TMC5: variants seen among roughly 807,000 people sequenced by gnomAD.
TMC5 encodes the protein transmembrane channel-like protein 5.
A neutral mutation model predicts 110.5 loss-of-function variants in TMC5; 86 were observed. The ratio of observed to expected loss-of-function variants is 0.78; its 90% confidence interval spans 0.65 to 0.93. The LOEUF (loss-of-function observed/expected upper bound fraction) is 0.93. Ranked by LOEUF, TMC5 falls within the 40% of genes least tolerant of loss-of-function variation. The pLI is 0.00. For synonymous variants in TMC5, 455 were observed against 439.5 expected, an observed-to-expected ratio of 1.04 and a Z score of -0.44; for missense variants, 1,144 against 1,222.8, an observed-to-expected ratio of 0.94 and a Z score of 0.96.
At position 19,466,120 on chromosome 16, in the gene TMC5, C is replaced by T. The variant is rs1281114015; in HGVS notation, c.1524C>T (p.Tyr508=). The T allele has an allele frequency of 2.5e-6, 4 of 1,613,950 alleles. No homozygotes were observed. The highest frequency in any genetic ancestry group is 3.4e-6 in the Non-Finnish European group (4 of 1,180,024). Residue 508 remains tyrosine, a synonymous_variant, in exon 9 of 22, where the codon TAC becomes TAT. Transcript: ENST00000542583. The part of the protein sequence containing the change: ...FRDTVMYYGF[Y]TNSTIQHGNS... ...ACACAGTGATGTACTATGGCTTTTA[C>T]ACCAATTCCACCATCCAGCACGGGA...
At position 19,426,242 on chromosome 16, in the gene TMC5, C is replaced by G. The variant is rs1226748437; in HGVS notation, c.-307-4171C>G. On this transcript the variant is annotated intron_variant, in intron 1 of 21. Transcript: ENST00000542583. ...ACGCTTCTGACCTCCAAGGTGGATCCAGAAGGAGGTTCTTTTTCCTCTAAA... is the reference window on the plus strand; with the variant it reads ...ACGCTTCTGACCTCCAAGGTGGATCGAGAAGGAGGTTCTTTTTCCTCTAAA... 3.3e-5 allele frequency among the ~76,000 whole-genome samples: 5 copies of G among 152,308 alleles called. No individual in the cohort carries two copies. In the East Asian group the frequency reaches 9.6e-4, roughly 29 times the overall value.
At chr16:19,449,740 GT>G (rs1362713276) in intron 5 of TMC5, 109 bp downstream of exon 5, 3 of 939,440 alleles carry the variant, frequency 3.2e-6, no homozygotes, top group Non-Finnish European at 5.2e-6. Context: ...CATGGGGGTG[GT>G]TTCCCCCATG....
intron 2 of TMC5, among the ~76,000 whole-genome samples, chr16:19,439,003 G>C (rs1003162448): frequency 6.6e-6 from 1 of 152,204 alleles, no homozygotes; most frequent in Non-Finnish European, 1.5e-5. Flanking sequence ...AGGAGCAATG[G>C]ATTGGTTACA....
chr16:19,465,736 C>T (rs922031071), intron 8 of TMC5, among the ~76,000 whole-genome samples: 2 of 152,136 alleles, frequency 1.3e-5, no homozygotes, highest in African/African-American at 4.8e-5. Flanking sequence ...AGGCTTGATT[C>T]GTTTCCTATT....
In TMC5 at chr16:19,498,221, A is replaced by G; in HGVS notation, c.*255A>G. On this transcript the variant is annotated 3_prime_UTR_variant, in exon 22 of 22. Transcript: ENST00000542583. ...TAAAGATTGTTGTAATATTGAAATG[A>G]GCCTACAAAAACCTAGGAAGAGATA... The G allele has an allele frequency of 2.1e-6, 1 of 485,776 alleles. No individual in the cohort carries two copies. Among genetic ancestry groups the G allele is most frequent in the Non-Finnish European group, 3.7e-6 (1 of 271,968 alleles). 30.1% of individuals were successfully genotyped at this position (485,776 alleles called of 1,614,324 possible).
chr16:19,441,108 C>G (rs1020122923), intron 3 of TMC5, among the ~76,000 whole-genome samples: 1 of 152,118 alleles, frequency 6.6e-6, no homozygotes, highest in Non-Finnish European at 1.5e-5. Flanking sequence ...TGTAAGACAT[C>G]TAGATCCACA....
At chr16:19,441,704 C>T (rs1967494228) in intron 3 of TMC5, among the ~76,000 whole-genome samples, 1 of 152,186 alleles carries the variant, frequency 6.6e-6, no homozygotes, top group Admixed American at 6.5e-5. Context: ...TGATTATCTG[C>T]ACTATTTTAA....
At chr16:19,478,593 T>G (rs111822596) in intron 13 of TMC5, among the ~76,000 whole-genome samples, 2 of 152,218 alleles carry the variant, frequency 1.3e-5, no homozygotes, top group African/African-American at 2.4e-5. Flanking sequence ...TATCCATCCA[T>G]GTATGGATCC....
At chr16:19,417,668 G>C (rs1169806419), upstream of TMC5, 1 of 152,192 alleles carries the variant, frequency 6.6e-6, no homozygotes, top group African/African-American at 2.4e-5. Context: ...AGAGGGAGGA[G>C]TTAGGGCTTA....
chr16:19,494,117 C>T (rs1190790631), intron 19 of TMC5, 145 bp from the exon 20 acceptor site: 2 of 647,184 alleles, frequency 3.1e-6, no homozygotes, highest in African/African-American at 1.8e-5. Context: ...TTTCTTTCAC[C>T]AAAAGATGGC....
chr16:19,425,402 G>A lies in TMC5; in HGVS notation c.-307-5011G>A, dbSNP rs1597158406. Among the ~76,000 whole-genome samples, 3 of 149,136 alleles carry A rather than the reference G, an allele frequency of 2.0e-5. 1 individual carries two copies. The East Asian group carries it at 5.9e-4, about 29-fold the overall frequency. ...CCAGAGTTTAGTTTATTCATATCTG[G>A]TTCTGACTTTCTTTACAGCTTTTAG... On this transcript the variant is annotated intron_variant, in intron 1 of 21. Coordinates refer to ENST00000542583, the MANE Select transcript of TMC5 (RefSeq NM_001261841.2).
intron 11 of TMC5, among the ~76,000 whole-genome samples, chr16:19,472,501 C>T (rs73540135): frequency 7.9e-5 from 12 of 152,064 alleles, no homozygotes; most frequent in African/African-American, 1.4e-4. Context: ...GAGACTTCAT[C>T]GCTAAAAAAA....
intron 5 of TMC5, among the ~76,000 whole-genome samples, chr16:19,451,697 C>A (rs1967752862): frequency 6.6e-6 from 1 of 152,138 alleles, no homozygotes; most frequent in African/African-American, 2.4e-5. Context: ...ACACTATCTA[C>A]CTGGAGATAG....
chr16:19,477,323 C>A (rs905107694), intron 12 of TMC5, 117 bp from the exon 13 acceptor site: 4 of 752,242 alleles, frequency 5.3e-6, no homozygotes, highest in African/African-American at 1.7e-5. Flanking sequence ...CATGTGCCCC[C>A]CTCCAACCAC....
At position 19,474,266 on chromosome 16, in the gene TMC5, C is replaced by A. The variant is rs1363123140; in HGVS notation, c.2080C>A (p.Leu694Ile). 1.9e-6 allele frequency: 3 copies of A among 1,613,790 alleles called. No homozygotes were observed. In the African/African-American group the frequency reaches 4.0e-5, roughly 22 times the overall value. The change falls in exon 12 of 22, where the codon CTC becomes ATC. Residue 694 changes from leucine to isoleucine, a missense_variant. Coordinates refer to ENST00000542583, the MANE Select transcript of TMC5 (RefSeq NM_001261841.2). ...YEMPRHEVYV[L>I]LIRNIFLKIS... ...GATGCCACGGCACGAAGTCTACGTTCTCCTGATCCGGTAGGTGATGTGTCG... is the reference window on the plus strand; with the variant it reads ...GATGCCACGGCACGAAGTCTACGTTATCCTGATCCGGTAGGTGATGTGTCG...
chr16:19,456,815 C>T (rs1476951610), intron 5 of TMC5: 2 of 1,614,062 alleles, frequency 1.2e-6, no homozygotes, highest in African/African-American at 2.7e-5. Context: ...AAAGGTGCTG[C>T]TAGACTCAAG....
intron 17 of TMC5, among the ~76,000 whole-genome samples, chr16:19,488,103 G>C (rs571199788): frequency 8.5e-5 from 13 of 152,196 alleles, no homozygotes; most frequent in African/African-American, 2.9e-4. Context: ...TAAAGGGGGC[G>C]GTTGCGGGTG....
At chr16:19,411,490 C>T (rs753157108) in intron 1 of TMC5, 1 of 152,144 alleles carries the variant, frequency 6.6e-6, no homozygotes, top group South Asian at 2.1e-4. Context: ...TTGACCACAG[C>T]AATTAAATGG....
intron 5 of TMC5, chr16:19,456,986 A>ATACTT: frequency 3.7e-6 from 6 of 1,612,278 alleles, no homozygotes; most frequent in Non-Finnish European, 5.1e-6. Flanking sequence ...GGGCATAGAC[A>ATACTT]CTCCTGGTTC....
Sources: gnomAD v4.1 joint callset for allele counts (sites outside exome capture counted in the v4.1 genomes callset) on GRCh38, gnomAD v4.1.1 for gene constraint, MANE v1.5 for transcripts, NCBI Gene and HGNC (gene_info 2026-07-23, HGNC 2026-07-21) for gene names.